RNF125: variants seen among roughly 807,000 people sequenced by gnomAD.
RNF125 encodes the protein E3 ubiquitin-protein ligase RNF125.
RNF125 carries 21 observed loss-of-function variants against 26.0 expected under a neutral mutation model. The ratio of observed to expected loss-of-function variants is 0.81; its 90% CI spans 0.57 to 1.16. The LOEUF (loss-of-function observed/expected upper bound fraction) is 1.16. RNF125 is among the 50% of genes most tolerant of loss of function. The probability of loss-of-function intolerance (pLI) is 0.00; values close to 1 mark genes in which losing one functional copy is unlikely to be tolerated. For synonymous variants in RNF125, 95 were observed against 109.2 expected (o/e 0.87, Z 0.81); for missense variants, 270 against 299.4 (o/e 0.90, Z 0.72).
At chr18:32,023,483 G>A (rs887516943) in intron 1 of RNF125, among the ~76,000 whole-genome samples, 1 of 152,084 alleles carries the variant, frequency 6.6e-6, no homozygotes, top group African/African-American at 2.4e-5. Context: ...CATACCGCAA[G>A]GTCAGGATTT....
At chr18:32,059,583 TTTA>T (rs2039416501) in intron 4 of RNF125, among the ~76,000 whole-genome samples, 1 of 152,198 alleles carries the variant, frequency 6.6e-6, no homozygotes, top group African/African-American at 2.4e-5. Flanking sequence ...GTCTCTTCAC[TTTA>T]TTGATTGTTT....
chr18:32,066,274 A>C (rs1229055061), intron 5 of RNF125: 5 of 213,254 alleles, frequency 2.3e-5, no homozygotes, highest in African/African-American at 4.6e-5. Context: ...ACATGGTGAA[A>C]TCCTATCTCT....
intron 4 of RNF125, among the ~76,000 whole-genome samples, chr18:32,049,256 G>A (rs1196738034): frequency 2.6e-5 from 4 of 152,222 alleles, no homozygotes; most frequent in Non-Finnish European, 5.9e-5. Flanking sequence ...GAATCAGATT[G>A]CCTGTGGGAT....
At chr18:32,076,859 A>G (rs1446892548), downstream of RNF125, among the ~76,000 whole-genome samples, 1 of 152,130 alleles carries the variant, frequency 6.6e-6, no homozygotes, top group Non-Finnish European at 1.5e-5. Flanking sequence ...CTTCTAAATC[A>G]TTCAACTGTC....
intron 3 of RNF125, among the ~76,000 whole-genome samples, chr18:32,044,009 CTTTTCTTTTCTTTTT>C (rs1455491161): frequency 6.7e-6 from 1 of 148,472 alleles, no homozygotes; most frequent in African/African-American, 2.5e-5. Context: ...TTTTTCTTTT[CTTTTCTTTTCTTTTT>C]GAGATGGAGT....
chr18:32,073,629 C>T (rs908371807), downstream of RNF125, among the ~76,000 whole-genome samples: 3 of 152,180 alleles, frequency 2.0e-5, no homozygotes, highest in African/African-American at 7.2e-5. Context: ...TAGATTCTTC[C>T]CCCTGCTAAA....
the RNF125 span, among the ~76,000 whole-genome samples, chr18:32,090,162 C>A: frequency 1.3e-5 from 2 of 152,200 alleles, no homozygotes; most frequent in Non-Finnish European, 2.9e-5. Flanking sequence ...AGGAGAGTTG[C>A]TTCAACCTGG....
At chr18:32,084,279 C>T in the RNF125 span, among the ~76,000 whole-genome samples, 1 of 152,126 alleles carries the variant, frequency 6.6e-6, no homozygotes. Flanking sequence ...CGCTTGAACC[C>T]AGGAGACGGA....
In RNF125 at chr18:32,070,528, G is replaced by A. The variant is rs1444856477; in HGVS notation, c.*2144G>A. ...CTGTACCTCTCCTTCTGTACTGAAA[G>A]TCCTGGTTTTCAAGAACACAGGGCA... is the stretch of plus-strand genomic sequence containing the variant. On this transcript the variant is annotated 3_prime_UTR_variant, in exon 6 of 6. Transcript: ENST00000217740. The A allele has an allele frequency of 6.6e-6, 1 of 152,116 alleles. No individual in the cohort carries two copies. Among genetic ancestry groups the A allele is most frequent in the African/African-American group, 2.4e-5 (1 of 41,414 alleles). 9.4% of individuals were successfully genotyped at this position (152,116 alleles called of 1,614,324 possible). A position where few individuals can be genotyped will look rare whatever the true frequency, so the allele number is the denominator to read the frequency against.
chr18:32,065,240 T>C (rs758432936), intron 4 of RNF125, among the ~76,000 whole-genome samples: 10 of 152,114 alleles, frequency 6.6e-5, no homozygotes, highest in Non-Finnish European at 1.3e-4. Flanking sequence ...TTTGTTTTGT[T>C]TTGTCTTGTT....
downstream of RNF125, among the ~76,000 whole-genome samples, chr18:32,077,597 G>A (rs1337697993): frequency 6.6e-6 from 1 of 151,964 alleles, no homozygotes; most frequent in African/African-American, 2.4e-5. Flanking sequence ...CTGACCTCAA[G>A]TGATCCGCCC....
At chr18:32,040,269 CTTTTTT>C (rs1185186501) in intron 2 of RNF125, among the ~76,000 whole-genome samples, 9 of 104,490 alleles carry the variant, frequency 8.6e-5, no homozygotes, top group Non-Finnish European at 1.3e-4. Flanking sequence ...CAATTTCTTT[CTTTTTT>C]TTTTTTTTTT....
At chr18:32,026,175 G>A (rs920632772) in intron 1 of RNF125, among the ~76,000 whole-genome samples, 1 of 143,322 alleles carries the variant, frequency 7.0e-6, no homozygotes, top group Non-Finnish European at 1.5e-5. Flanking sequence ...AGCGATTCTC[G>A]TGCCTCAGCC....
chr18:32,042,814 T>C (rs1191854588), intron 3 of RNF125, among the ~76,000 whole-genome samples: 2 of 150,252 alleles, frequency 1.3e-5, no homozygotes. Flanking sequence ...CTGACAGATG[T>C]AATGGAGGAT....
chr18:32,084,689 AGT>A, the RNF125 span, among the ~76,000 whole-genome samples: 1 of 152,220 alleles, frequency 6.6e-6, no homozygotes, highest in East Asian at 1.9e-4. Flanking sequence ...TGGGAGACAC[AGT>A]GTGGCTATCA....
intron 4 of RNF125, among the ~76,000 whole-genome samples, chr18:32,062,944 G>A (rs369049037): frequency 2.6e-5 from 4 of 152,162 alleles, no homozygotes; most frequent in Admixed American, 2.0e-4. Flanking sequence ...CATGGGCCGG[G>A]TGGGGTGGCT....
intron 5 of RNF125, among the ~76,000 whole-genome samples, chr18:32,066,470 A>G (rs1438419211): frequency 6.6e-6 from 1 of 152,044 alleles, no homozygotes; most frequent in Non-Finnish European, 1.5e-5. Flanking sequence ...AAAAAAAAAA[A>G]AATGAAATGC....
At chr18:32,066,033 C>A in intron 5 of RNF125, 24 bp downstream of exon 5, 1 of 1,425,492 alleles carries the variant, frequency 7.0e-7, no homozygotes, top group Non-Finnish European at 9.9e-7. Flanking sequence ...CTTATTTTTA[C>A]ATTATGTTTT....
downstream of RNF125, among the ~76,000 whole-genome samples, chr18:32,076,584 T>G (rs2039571943): frequency 1.3e-5 from 2 of 152,164 alleles, no homozygotes; most frequent in African/African-American, 4.8e-5. Flanking sequence ...GTGTTGAGAT[T>G]ACAGGTGTGA....
Sources: gnomAD v4.1 joint callset for allele counts (sites outside exome capture counted in the v4.1 genomes callset) on GRCh38, gnomAD v4.1.1 for gene constraint, MANE v1.5 for transcripts, NCBI Gene and HGNC (gene_info 2026-07-23, HGNC 2026-07-21) for gene names.